ECD: variants seen among roughly 807,000 people sequenced by gnomAD.
ECD encodes ecdysoneless cell cycle regulator, also known as protein ecdysoneless homolog.
Under a neutral mutation model 77.2 loss-of-function variants are expected in ECD, and 59 were observed. The ratio of observed to expected loss-of-function variants is 0.76; its 90% CI spans 0.62 to 0.95. The LOEUF (loss-of-function observed/expected upper bound fraction) is 0.95. ECD is among the 40% of genes least tolerant of loss of function. The probability of loss-of-function intolerance (pLI) is 0.00; values close to 1 mark genes in which losing one functional copy is unlikely to be tolerated. For synonymous variants in ECD, 233 were observed against 267.4 expected (o/e 0.87, Z 1.26); for missense variants, 704 against 763.4 (o/e 0.92, Z 0.92).
upstream of ECD, chr10:73,168,050 C>T: frequency 2.2e-6 from 1 of 463,074 alleles, no homozygotes; most frequent in African/African-American, 2.1e-5. Context: ...ACTCAGTCCC[C>T]GAAACCTTGT....
chr10:73,134,659 T>C lies in ECD; in HGVS notation c.1859A>G (p.Asn620Ser). 8 of 1,614,206 alleles carry C rather than the reference T, an allele frequency of 5.0e-6. No individual in the cohort carries two copies. Among genetic ancestry groups the C allele is most frequent in the Non-Finnish European group, 6.8e-6 (8 of 1,180,024 alleles). The change falls in exon 14 of 14, where the codon AAT becomes AGT. Residue 620 changes from asparagine to serine, a missense_variant. By Grantham distance (46) the Asn-to-Ser change is conservative. Around this residue, in one of 3 missense-constraint regions of ECD, gnomAD observed 142 missense variants for 163.6 expected, o/e 0.87. Transcript: ENST00000372979. The stretch of plus-strand genomic sequence containing the variant: ...CTGCACTCCCATGCTTTGTAAAAGA[T>C]TGGAAGCAGGTCCTGCCAGTCCAGC... ...SQAGLAGPAS[N>S]LLQSMGVQLP...
At chr10:73,151,219 C>T (rs1397127970) in intron 7 of ECD, among the ~76,000 whole-genome samples, 1 of 151,946 alleles carries the variant, frequency 6.6e-6, no homozygotes, top group East Asian at 1.9e-4. Flanking sequence ...AGTTCATGTC[C>T]TTTGTAGGGA....
chr10:73,149,746 G>A (rs910516646), intron 7 of ECD, among the ~76,000 whole-genome samples: 3 of 152,084 alleles, frequency 2.0e-5, no homozygotes, highest in Admixed American at 6.5e-5. Flanking sequence ...CCCACTGTAA[G>A]TCAAGGAACA....
At chr10:73,148,948 A>G (rs1843164966) in intron 7 of ECD, among the ~76,000 whole-genome samples, 1 of 152,212 alleles carries the variant, frequency 6.6e-6, no homozygotes, top group Non-Finnish European at 1.5e-5. Flanking sequence ...ACACTGAAGT[A>G]TTATGTGTGT....
chr10:73,160,504 T>C lies in ECD; in HGVS notation c.253A>G (p.Ile85Val), dbSNP rs766465445. ...TAAACAATAAACCATTCATCCTCAATGTTATCCCCAAACTTTGTCACGCCA... is the reference window on the plus strand; with the variant it reads ...TAAACAATAAACCATTCATCCTCAACGTTATCCCCAAACTTTGTCACGCCA... ...MFGVTKFGDN[I>V]EDEWFIVYVI... The change falls in exon 3 of 14, where the codon ATT becomes GTT. Residue 85 changes from isoleucine to valine, a missense_variant. Physicochemically the swap from Ile to Val is conservative, Grantham distance 29. This residue lies in a region of ECD where 559 missense variants were observed against 583.7 expected (regional missense o/e 0.96). Coordinates refer to ENST00000372979, the MANE Select transcript of ECD (RefSeq NM_007265.3). The C allele has an allele frequency of 3.1e-6, 5 of 1,611,942 alleles. No homozygotes were observed. The highest frequency in any genetic ancestry group is 1.1e-5 in the South Asian group (1 of 90,476).
Position 73,134,524 on chromosome 10 carries a change from T to C in ECD, c.*59A>G, listed in dbSNP as rs1842954947. ...CTAAATGAGTAATCTAAACTAGAAATGAACAGAATCATATTCAATATTTAT... is the reference window on the plus strand; with the variant it reads ...CTAAATGAGTAATCTAAACTAGAAACGAACAGAATCATATTCAATATTTAT... On this transcript the variant is annotated 3_prime_UTR_variant, in exon 14 of 14. Coordinates refer to ENST00000372979, the MANE Select transcript of ECD (RefSeq NM_007265.3). 1 of 1,432,258 alleles carries C rather than the reference T, an allele frequency of 7.0e-7. No individual in the cohort carries two copies. Among genetic ancestry groups the C allele is most frequent in the Non-Finnish European group, 9.5e-7 (1 of 1,047,404 alleles). The allele number at this position is 1,432,258 out of a possible 1,614,324, so 88.7% of individuals were successfully genotyped here.
chr10:73,167,553 C>A (rs372164221), intron 1 of ECD, among the ~76,000 whole-genome samples: 1 of 152,086 alleles, frequency 6.6e-6, no homozygotes, highest in African/African-American at 2.4e-5. Flanking sequence ...AAGGAACCTG[C>A]TTCTTCTTAT....
In ECD at chr10:73,134,190, A is replaced by G. The variant is rs1842952012; in HGVS notation, c.*393T>C. 1 of 173,274 alleles carries G rather than the reference A, an allele frequency of 5.8e-6. No individual in the cohort carries two copies. The highest frequency in any genetic ancestry group is 5.4e-5 in the Admixed American group (1 of 18,380). 10.7% of individuals were successfully genotyped at this position (173,274 alleles called of 1,614,324 possible). ...ATGCATGTTATGCCTCATTAAAAAA[A>G]TTGAAAAAGTGAATGAGTTTTCAAA... On this transcript the variant is annotated 3_prime_UTR_variant, in exon 14 of 14. Coordinates refer to ENST00000372979, the MANE Select transcript of ECD (RefSeq NM_007265.3).
At chr10:73,160,345 G>A in intron 3 of ECD, 89 bp downstream of exon 3, 1 of 881,582 alleles carries the variant, frequency 1.1e-6, no homozygotes, top group Non-Finnish European at 1.7e-6. Flanking sequence ...CAGACTACAG[G>A]AGAAAAATAA....
chr10:73,159,721 G>A (rs1386208624), intron 3 of ECD, among the ~76,000 whole-genome samples: 8 of 140,938 alleles, frequency 5.7e-5, no homozygotes, highest in African/African-American at 2.7e-5. Flanking sequence ...TCGGCTCACC[G>A]CAACCTCCGC....
chr10:73,134,605 G>T lies in ECD; in HGVS notation c.1913C>A (p.Thr638Lys). The T allele has an allele frequency of 6.2e-7, 1 of 1,614,000 alleles. No individual in the cohort carries two copies. Among genetic ancestry groups the T allele is most frequent in the Non-Finnish European group, 8.5e-7 (1 of 1,179,870 alleles). The change falls in exon 14 of 14, where the codon ACA (threonine) becomes AAA (lysine). Residue 638 changes from threonine (T) to lysine (K), a missense_variant. This residue lies in a region of ECD where 142 missense variants were observed against 163.6 expected (regional missense o/e 0.87). Coordinates refer to ENST00000372979, the MANE Select transcript of ECD (RefSeq NM_007265.3). ...QLPDNTDHRP[T>K]SKPTKN ...TGGTTAATTTTTTGTTGGCTTACTT[G>T]TTGGTCTGTGATCGGTGTTGTCAGG...
intron 1 of ECD, 121 bp from the exon 2 acceptor site, chr10:73,164,071 C>A: frequency 1.3e-6 from 1 of 793,220 alleles, no homozygotes; most frequent in South Asian, 1.8e-5. Context: ...CACAGTGGTT[C>A]ATGCATGTAA....
chr10:73,159,090 TGTTTAAA>T (rs1564667045), intron 3 of ECD, among the ~76,000 whole-genome samples: 1 of 152,246 alleles, frequency 6.6e-6, no homozygotes, highest in Non-Finnish European at 1.5e-5. Context: ...CTTTAATGTA[TGTTTAAA>T]ATTTAAATAA....
intron 3 of ECD, 61 bp from the exon 4 acceptor site, chr10:73,156,716 C>T: frequency 7.1e-7 from 1 of 1,407,424 alleles, no homozygotes; most frequent in Non-Finnish European, 1.0e-6. Flanking sequence ...GTAACCAAAA[C>T]AGTTTCATTC....
At chr10:73,145,940 G>A (rs1843122475) in intron 9 of ECD, among the ~76,000 whole-genome samples, 2 of 152,168 alleles carry the variant, frequency 1.3e-5, no homozygotes, top group Middle Eastern at 3.4e-3. Flanking sequence ...ACCGCGCCTG[G>A]CCATATTGTG....
At chr10:73,163,975 A>G in intron 1 of ECD, 25 bp from the exon 2 acceptor site, 10 of 1,583,960 alleles carry the variant, frequency 6.3e-6, no homozygotes, top group Non-Finnish European at 7.8e-6. Flanking sequence ...CCAAAATATA[A>G]ACCACATAGA....
chr10:73,164,915 A>G (rs1843431642), intron 1 of ECD, among the ~76,000 whole-genome samples: 1 of 152,120 alleles, frequency 6.6e-6, no homozygotes, highest in Non-Finnish European at 1.5e-5. Context: ...TATTTTTCCT[A>G]TTTTGGAAGT....
At position 73,138,026 on chromosome 10, in the gene ECD, A is replaced by G. The variant is rs202192150; in HGVS notation, c.1466T>C (p.Leu489Pro). 6.3e-7 allele frequency: 1 copy of G among 1,597,476 alleles called. No individual in the cohort carries two copies. Among genetic ancestry groups the G allele is most frequent in the Non-Finnish European group, 8.5e-7 (1 of 1,174,816 alleles). Residue 489 changes from leucine (L) to proline (P), a missense_variant, in exon 12 of 14, where the codon CTT (leucine) becomes CCT (proline). By Grantham distance (98) the Leu-to-Pro change is moderately conservative (BLOSUM62 -3). This residue lies in a region of ECD where 559 missense variants were observed against 583.7 expected (regional missense o/e 0.96). Coordinates refer to ENST00000372979, the MANE Select transcript of ECD (RefSeq NM_007265.3). ...APITFDADSF[L>P]NYFDKILGPR... ...ACCTAAAATCTTATCAAAATAATTAAGAAAAGAATCTGCATCAAAAGTGAT... is the reference window on the plus strand; with the variant it reads ...ACCTAAAATCTTATCAAAATAATTAGGAAAAGAATCTGCATCAAAAGTGAT...
rs766317423 is a variant in ECD, at chr10:73,156,499, G to A, written c.412-46C>T. ...TTTTCACAGTGGGCACTGGCAAACT[G>A]CAGGTACATATGAATGTAATGCAGC... On this transcript the variant is annotated intron_variant, in intron 4 of 13. Transcript: ENST00000372979. 4 of 1,609,812 alleles carry A rather than the reference G, an allele frequency of 2.5e-6. No individual in the cohort carries two copies. In the African/African-American group the frequency reaches 4.0e-5, roughly 16 times the overall value.
Sources: allele counts gnomAD v4.1 joint callset (sites outside exome capture counted in the v4.1 genomes callset), GRCh38; gene constraint gnomAD v4.1.1; regional missense constraint gnomAD v4.1.1; transcripts MANE v1.5; gene names NCBI Gene and HGNC (gene_info 2026-07-23, HGNC 2026-07-21).